PDCD2L: variants seen among roughly 807,000 people sequenced by gnomAD.
The protein encoded by PDCD2L is programmed cell death 2 like, also known as uS5 assembly chaperone PDCD2L.
A neutral mutation model predicts 40.4 loss-of-function variants in PDCD2L; 44 were observed. That is an observed-to-expected ratio of 1.09 (90% CI 0.86 to 1.40). The LOEUF is 1.40. Among genes scored for constraint, PDCD2L ranks in the 40% most tolerant of loss-of-function variants. The probability of loss-of-function intolerance (pLI) is 0.00; values close to 1 mark genes in which losing one functional copy is unlikely to be tolerated. For missense variants in PDCD2L, 470 were observed against 453.7 expected (o/e 1.04, Z -0.33); for synonymous variants, 194 against 174.6 (o/e 1.11, Z -0.88).
chr19:34,419,985 GTAT>G (rs1337341903), intron 5 of PDCD2L, among the ~76,000 whole-genome samples: 2 of 150,938 alleles, frequency 1.3e-5, no homozygotes, highest in African/African-American at 2.4e-5. Flanking sequence ...GCTAATTTTT[GTAT>G]TATTATTATT....
At chr19:34,411,333 C>T (rs140139752) in intron 4 of PDCD2L, among the ~76,000 whole-genome samples, 2,834 of 150,154 alleles carry the variant, frequency 0.019, 50 homozygotes, top group Admixed American at 0.047. Context: ...TCTCCCTCGC[C>T]GGCTTAAGCA....
chr19:34,419,510 T>C (rs2075139647), intron 5 of PDCD2L, among the ~76,000 whole-genome samples: 1 of 151,636 alleles, frequency 6.6e-6, no homozygotes, highest in Admixed American at 6.6e-5. Flanking sequence ...TTTTTTTTTT[T>C]TTTAAAGAGA....
rs369556509 is a variant in PDCD2L at position 34,404,533 on chromosome 19, A to G, written c.103A>G (p.Ile35Val). The change falls in exon 1 of 7, where the codon ATT becomes GTT. Residue 35 changes from isoleucine to valine, a missense_variant. By Grantham distance (29) the Ile-to-Val change is conservative. Coordinates refer to ENST00000246535, the MANE Select transcript of PDCD2L (RefSeq NM_032346.2). Reference protein sequence around the residue: ...GAWTASKLGGIPDALPTVAAP... With the variant: ...GAWTASKLGGVPDALPTVAAP... ...CTGGACTGCTAGCAAGCTGGGCGGC[A>G]TTCCGGTGAGGGCGGGTGCCGGAGC... The G allele has an allele frequency of 1.9e-6, 3 of 1,546,168 alleles. No individual in the cohort carries two copies. Among genetic ancestry groups the G allele is most frequent in the African/African-American group, 1.4e-5 (1 of 73,262 alleles).
At chr19:34,405,062 A>G (rs1304809626) in intron 3 of PDCD2L, 72 bp downstream of exon 3, 6 of 1,540,136 alleles carry the variant, frequency 3.9e-6, no homozygotes, top group Non-Finnish European at 4.4e-6. Context: ...AGTTTGGGGC[A>G]GACTTTAAAG....
intron 5 of PDCD2L, among the ~76,000 whole-genome samples, chr19:34,419,818 G>T: frequency 2.1e-5 from 1 of 48,598 alleles, no homozygotes; most frequent in Non-Finnish European, 4.0e-5. Context: ...TTGTTCTGTT[G>T]CTTGCGTAGG....
intron 6 of PDCD2L, among the ~76,000 whole-genome samples, chr19:34,423,329 C>G (rs1935137898): frequency 6.6e-6 from 1 of 150,710 alleles, no homozygotes; most frequent in South Asian, 2.1e-4. Flanking sequence ...ATTACAGGTG[C>G]CCACCACCAC....
chr19:34,418,624 G>C (rs541745275), intron 5 of PDCD2L, among the ~76,000 whole-genome samples: 14 of 152,216 alleles, frequency 9.2e-5, no homozygotes, highest in South Asian at 2.1e-4. Flanking sequence ...TCTGATTTTG[G>C]GGGGGTAGAT....
Position 34,404,416 on chromosome 19 carries a change from G to A in PDCD2L, c.-15G>A, listed in dbSNP as rs1568356328. The A allele has an allele frequency of 6.5e-7, 1 of 1,539,206 alleles. No homozygotes were observed. The highest frequency in any genetic ancestry group is 8.7e-7 in the Non-Finnish European group (1 of 1,143,288). On this transcript the variant is annotated 5_prime_UTR_variant, in exon 1 of 7. Transcript: ENST00000246535. ...GCCGCCGTAGTTTGCGTTTTCACCT[G>A]GTCGCCCGGCGGCCATGGCGGCCGT...
At chr19:34,412,556 A>G (rs949318018) in intron 4 of PDCD2L, among the ~76,000 whole-genome samples, 3 of 151,952 alleles carry the variant, frequency 2.0e-5, no homozygotes, top group African/African-American at 7.2e-5. Flanking sequence ...TGTCTTTACT[A>G]AAAATACAAA....
In PDCD2L at chr19:34,420,787, ATCT is replaced by A. The variant is rs1282030965; in HGVS notation, c.798-731_798-729del. Reference sequence around the variant, plus strand: ...AGCCTGGGCAACAGAAAAAGGCTTTATCTAAAAAAAAAAAAAAAAAACCCAAAA... The same window carrying A: ...AGCCTGGGCAACAGAAAAAGGCTTTAAAAAAAAAAAAAAAAAAACCCAAAA... On this transcript the variant is annotated intron_variant, in intron 5 of 6. Transcript: ENST00000246535. 3.5e-5 allele frequency among the ~76,000 whole-genome samples: 3 copies of A among 86,088 alleles called. No individual in the cohort carries two copies. In the Admixed American group the frequency reaches 3.8e-4, roughly 11 times the overall value. 56.5% of individuals were successfully genotyped at this position (86,088 alleles called of 152,430 possible).
intron 4 of PDCD2L, among the ~76,000 whole-genome samples, chr19:34,412,032 T>C (rs2075106532): frequency 6.7e-6 from 1 of 148,856 alleles, no homozygotes; most frequent in Admixed American, 6.8e-5. Flanking sequence ...TGAAAATATA[T>C]ATATTTGAGA....
At chr19:34,418,242 C>G (rs934069254) in intron 5 of PDCD2L, among the ~76,000 whole-genome samples, 13 of 152,202 alleles carry the variant, frequency 8.5e-5, no homozygotes, top group Non-Finnish European at 1.6e-4. Context: ...AAACATATTC[C>G]TCTCTGCCAG....
At chr19:34,421,298 C>G in intron 5 of PDCD2L, 1 of 541,650 alleles carries the variant, frequency 1.8e-6, no homozygotes, top group Non-Finnish European at 3.3e-6. Context: ...TGCAGCTTTA[C>G]CTAGATTCAG....
chr19:34,405,721 C>T (rs894470099), intron 3 of PDCD2L, among the ~76,000 whole-genome samples: 4 of 151,138 alleles, frequency 2.6e-5, no homozygotes, highest in South Asian at 2.1e-4. Flanking sequence ...GCCAACATGG[C>T]GAAACCCCGT....
intron 4 of PDCD2L, among the ~76,000 whole-genome samples, chr19:34,412,200 A>G (rs2075107215): frequency 6.6e-6 from 1 of 151,026 alleles, no homozygotes; most frequent in Non-Finnish European, 1.5e-5. Flanking sequence ...TTGTATTTTT[A>G]GTAGAGACAG....
chr19:34,420,034 G>T (rs2075143244), intron 5 of PDCD2L, among the ~76,000 whole-genome samples: 2 of 151,850 alleles, frequency 1.3e-5, no homozygotes, highest in African/African-American at 4.8e-5. Context: ...ATCCAGGCTG[G>T]AGTGCAGTGG....
In PDCD2L at chr19:34,409,327, A is replaced by C. The variant is rs1168493322; in HGVS notation, c.503A>C (p.Gln168Pro). 6.2e-7 allele frequency: 1 copy of C among 1,614,096 alleles called. No homozygotes were observed. The highest frequency in any genetic ancestry group is 1.7e-5 in the Admixed American group (1 of 60,008). ...WTARLQDLRL[Q>P]DAVLGAAHPV... ...GCTCGGCTCCAAGACCTCCGCCTGC[A>C]GGATGCTGTCCTGGGTGCTGCCCAT... The change falls in exon 4 of 7, where the codon CAG (glutamine) becomes CCG (proline). Residue 168 changes from glutamine (Q) to proline (P), a missense_variant. Gln to Pro is a moderately conservative substitution (Grantham distance 76). Transcript: ENST00000246535.
In PDCD2L at chr19:34,409,457, G is replaced by C; in HGVS notation, c.633G>C (p.Leu211=). 1.2e-6 allele frequency: 2 copies of C among 1,614,174 alleles called. No homozygotes were observed. Among genetic ancestry groups the C allele is most frequent in the Middle Eastern group, 1.7e-4 (1 of 6,042 alleles). ...ACCTGGATCATGCCCACAGCCTTCT[G>C]AGGGACTATCAGCAGAGAGAAGGCA... ...FVNLDHAHSL[L]RDYQQREGIA... The change falls in exon 4 of 7, where the codon CTG becomes CTC. Residue 211 remains leucine, a synonymous_variant. Transcript: ENST00000246535.
At chr19:34,409,537 G>A in intron 4 of PDCD2L, 27 bp downstream of exon 4, 1 of 1,587,814 alleles carries the variant, frequency 6.3e-7, no homozygotes, top group Non-Finnish European at 8.6e-7. Context: ...CTGAGGTTGA[G>A]AGGTGACTGG....
Sources: allele counts gnomAD v4.1 joint callset (sites outside exome capture counted in the v4.1 genomes callset), GRCh38; gene constraint gnomAD v4.1.1; transcripts MANE v1.5; gene names NCBI Gene and HGNC (gene_info 2026-07-23, HGNC 2026-07-21).